The following PDE4D variants were observed in gnomAD, a reference collection of about 807,000 sequenced individuals.
PDE4D encodes the protein phosphodiesterase 4D.
A neutral mutation model predicts 87.4 loss-of-function variants in PDE4D; 24 were observed. The ratio of observed to expected loss-of-function variants is 0.27; its 90% CI spans 0.20 to 0.39. The LOEUF is 0.39. PDE4D is among the 10% of genes least tolerant of loss of function. The pLI is 1.00. For missense variants in PDE4D, 714 were observed against 1,041.0 expected, an observed-to-expected ratio of 0.69 and a Z score of 4.32; for synonymous variants, 384 against 383.2, an observed-to-expected ratio of 1.00 and a Z score of -0.02.
intron 1 of PDE4D, among the ~76,000 whole-genome samples, chr5:60,210,296 T>C (rs2149570910): frequency 6.6e-6 from 1 of 151,988 alleles, no homozygotes; most frequent in East Asian, 1.9e-4. Context: ...TATATATAAA[T>C]CCTCAAGCTT....
chr5:59,392,335 T>C (rs1582337504), intron 1 of PDE4D, among the ~76,000 whole-genome samples: 1 of 151,572 alleles, frequency 6.6e-6, no homozygotes, highest in African/African-American at 2.4e-5. Flanking sequence ...TACATCTTTC[T>C]CCCATGCTGG....
chr5:60,174,791 C>G (rs1019459157), intron 2 of PDE4D, among the ~76,000 whole-genome samples: 3 of 151,998 alleles, frequency 2.0e-5, no homozygotes, highest in Non-Finnish European at 4.4e-5. Flanking sequence ...CTTATCCTTA[C>G]TTCTCTTTAG....
intron 5 of PDE4D, among the ~76,000 whole-genome samples, chr5:59,138,411 C>A (rs978465076): frequency 6.6e-6 from 1 of 152,168 alleles, no homozygotes; most frequent in Non-Finnish European, 1.5e-5. Context: ...CCTCAGCCTC[C>A]TGAGTAGCTG....
At chr5:60,001,757 G>A (rs967379317) in intron 2 of PDE4D, among the ~76,000 whole-genome samples, 2 of 151,826 alleles carry the variant, frequency 1.3e-5, no homozygotes, top group Non-Finnish European at 1.5e-5. Flanking sequence ...ACAAAATGAC[G>A]GGGGAAAGTA....
chr5:60,273,614 G>A (rs549531460), intron 1 of PDE4D, among the ~76,000 whole-genome samples: 2 of 152,274 alleles, frequency 1.3e-5, no homozygotes, highest in East Asian at 3.9e-4. Flanking sequence ...AAGAGATGGT[G>A]AAGACCTGCA....
At chr5:59,356,626 G>C (rs903751162) in intron 1 of PDE4D, 1 of 677,386 alleles carries the variant, frequency 1.5e-6, no homozygotes, top group Non-Finnish European at 2.3e-6. Context: ...CATCTTCTTG[G>C]CTCTTATTTA....
intron 1 of PDE4D, among the ~76,000 whole-genome samples, chr5:59,465,140 G>T (rs537841949): frequency 6.6e-6 from 1 of 152,268 alleles, no homozygotes; most frequent in African/African-American, 2.4e-5. Context: ...CTCATCTCAA[G>T]TTACTGGCTT....
At chr5:59,624,267 C>G (rs1188137446) in intron 1 of PDE4D, among the ~76,000 whole-genome samples, 1 of 152,188 alleles carries the variant, frequency 6.6e-6, no homozygotes, top group African/African-American at 2.4e-5. Flanking sequence ...TTGGGGCCTT[C>G]TCTGTCTCTG....
At chr5:59,919,340 C>T (rs1025613036) in intron 3 of PDE4D, among the ~76,000 whole-genome samples, 2 of 152,186 alleles carry the variant, frequency 1.3e-5, no homozygotes, top group Non-Finnish European at 2.9e-5. Flanking sequence ...TTTTCACCTT[C>T]CTTTCTCCAA....
At chr5:60,286,088 G>A (rs746284907) in intron 1 of PDE4D, among the ~76,000 whole-genome samples, 8 of 152,200 alleles carry the variant, frequency 5.3e-5, no homozygotes, top group Admixed American at 1.3e-4. Context: ...AACACTACAC[G>A]TTCTCTTTAC....
chr5:60,351,666 A>G (rs1759204313), intron 1 of PDE4D, among the ~76,000 whole-genome samples: 1 of 152,112 alleles, frequency 6.6e-6, no homozygotes, highest in Non-Finnish European at 1.5e-5. Flanking sequence ...ATAAACACGT[A>G]TGTCTGTATT....
intron 1 of PDE4D, among the ~76,000 whole-genome samples, chr5:60,412,054 CAGTGA>C (rs1444055839): frequency 6.6e-6 from 1 of 152,142 alleles, no homozygotes. Context: ...GTTTTTATCC[CAGTGA>C]AGGAGCTGTT....
intron 1 of PDE4D, among the ~76,000 whole-genome samples, chr5:59,655,861 G>C (rs1360828878): frequency 6.6e-6 from 1 of 152,124 alleles, no homozygotes; most frequent in Non-Finnish European, 1.5e-5. Context: ...TAAATAGATA[G>C]TTACACAGCT....
At chr5:60,055,454 C>A (rs1311996433) in intron 2 of PDE4D, among the ~76,000 whole-genome samples, 1 of 151,926 alleles carries the variant, frequency 6.6e-6, no homozygotes, top group Non-Finnish European at 1.5e-5. Flanking sequence ...ACAATTGAGC[C>A]CATTCTCCTT....
chr5:60,376,164 G>A (rs1179789055), intron 1 of PDE4D, among the ~76,000 whole-genome samples: 1 of 152,118 alleles, frequency 6.6e-6, no homozygotes. Flanking sequence ...GTAACTTGAA[G>A]CAATACAAAT....
chr5:60,343,378 A>AT (rs1196807797), intron 1 of PDE4D, among the ~76,000 whole-genome samples: 7 of 152,138 alleles, frequency 4.6e-5, no homozygotes, highest in African/African-American at 1.7e-4. Context: ...AAACAATCTC[A>AT]TAGCATCCAA....
chr5:60,223,785 T>TA (rs1295132778), intron 1 of PDE4D, among the ~76,000 whole-genome samples: 2 of 152,262 alleles, frequency 1.3e-5, no homozygotes, highest in Non-Finnish European at 1.5e-5. Flanking sequence ...TCAATTGTGC[T>TA]AAAAAATAAC....
intron 3 of PDE4D, among the ~76,000 whole-genome samples, chr5:59,190,091 A>C (rs1326462156): frequency 1.3e-5 from 2 of 152,178 alleles, no homozygotes; most frequent in Non-Finnish European, 1.5e-5. Context: ...GGAAACCATG[A>C]TTTGGAAACC....
At chr5:59,802,701 T>C (rs1007374308) in intron 1 of PDE4D, among the ~76,000 whole-genome samples, 1 of 152,102 alleles carries the variant, frequency 6.6e-6, no homozygotes, top group Non-Finnish European at 1.5e-5. Flanking sequence ...CCAGCCTCCA[T>C]ATTCTTACAT....
Sources: gnomAD v4.1 joint callset for allele counts (sites outside exome capture counted in the v4.1 genomes callset) on GRCh38, gnomAD v4.1.1 for gene constraint, MANE v1.5 for transcripts, NCBI Gene and HGNC (gene_info 2026-07-23, HGNC 2026-07-21) for gene names.